Variants in EYA4 observed in about 807,000 individuals in gnomAD.
EYA4 encodes the protein protein phosphatase EYA4.
In EYA4, 31 loss-of-function variants were observed where a neutral mutation model predicts 87.9. The ratio of observed to expected loss-of-function variants is 0.35; its 90% CI spans 0.27 to 0.48. The LOEUF (loss-of-function observed/expected upper bound fraction) is 0.48. EYA4 is among the 20% of genes least tolerant of loss of function. The pLI is 0.99. For missense variants in EYA4, 678 were observed against 761.4 expected (o/e 0.89, Z 1.29); for synonymous variants, 263 against 270.6 (o/e 0.97, Z 0.28).
intron 2 of EYA4, among the ~76,000 whole-genome samples, chr6:133,283,044 A>G (rs1187036679): frequency 2.0e-5 from 3 of 152,182 alleles, no homozygotes; most frequent in African/African-American, 7.2e-5. Flanking sequence ...CTGTAATCCC[A>G]GCACTTTGGG....
rs1023221838 is a variant in EYA4, at chr6:133,249,463, T to C, written c.-66+7714T>C. ...ATGAGGTCCCTCCTGGACTTAAAAT[T>C]CCTTAAAAAATTTGCCTGCTGCCTA... is the stretch of plus-strand genomic sequence containing the variant. On this transcript the variant is annotated intron_variant, in intron 1 of 19. Coordinates refer to ENST00000355286, the MANE Select transcript of EYA4 (RefSeq NM_004100.5). Among the ~76,000 whole-genome samples, 30 of 152,192 alleles carry C rather than the reference T, an allele frequency of 2.0e-4. 1 individual carries two copies. Among genetic ancestry groups the C allele is most frequent in the Middle Eastern group, 3.2e-3 (1 of 316 alleles).
At chr6:133,331,820 T>TG (rs1223885322) in intron 2 of EYA4, among the ~76,000 whole-genome samples, 1 of 152,208 alleles carries the variant, frequency 6.6e-6, no homozygotes, top group Non-Finnish European at 1.5e-5. Context: ...CAGAGTAATT[T>TG]GGGGGTAAAT....
intron 18 of EYA4, among the ~76,000 whole-genome samples, chr6:133,524,527 C>G (rs1197005246): frequency 1.3e-5 from 2 of 152,202 alleles, no homozygotes; most frequent in African/African-American, 4.8e-5. Flanking sequence ...CCCAGTCAGA[C>G]AGCACCCTTA....
At chr6:133,293,256 G>A (rs1245993957) in intron 2 of EYA4, among the ~76,000 whole-genome samples, 1 of 152,102 alleles carries the variant, frequency 6.6e-6, no homozygotes, top group Non-Finnish European at 1.5e-5. Flanking sequence ...AAAGATGACA[G>A]TGTTTTTATT....
chr6:133,365,767 A>G lies in EYA4; in HGVS notation c.34-16625A>G, dbSNP rs116176179. Among the ~76,000 whole-genome samples the G allele has an allele frequency of 6.9e-3, 1,052 of 152,028 alleles. 11 individuals are homozygous for G. The highest frequency in any genetic ancestry group is 0.024 in the African/African-American group (997 of 41,448). ...GGCCCTGGGAGATTTAGGGAAGGGG[A>G]GTATTGACTTACTGATGAGAAGTTG... is the stretch of plus-strand genomic sequence containing the variant. On this transcript the variant is annotated intron_variant, in intron 2 of 19. Coordinates refer to ENST00000355286, the MANE Select transcript of EYA4 (RefSeq NM_004100.5).
Position 133,377,534 on chromosome 6 carries a change from GAAAC to G in EYA4, c.34-4855_34-4852del, listed in dbSNP as rs1785799236. Among the ~76,000 whole-genome samples the G allele has an allele frequency of 2.1e-5, 3 of 141,968 alleles. No homozygotes were observed. In the South Asian group the frequency reaches 7.0e-4, roughly 33 times the overall value. The allele number at this position is 141,968 out of a possible 152,430, so 93.1% of individuals were successfully genotyped here. ...AATCTTGATATTTTGGACAGAAAAA[GAAAC>G]AACGCAGAAGTTGTTTTTCACATTA... On this transcript the variant is annotated intron_variant, in intron 2 of 19. Coordinates refer to ENST00000355286, the MANE Select transcript of EYA4 (RefSeq NM_004100.5).
intron 1 of EYA4, among the ~76,000 whole-genome samples, chr6:133,256,469 A>T (rs562064142): frequency 2.0e-5 from 3 of 151,980 alleles, no homozygotes; most frequent in Non-Finnish European, 4.4e-5. Flanking sequence ...ACTCTGTGCC[A>T]GGCACAGTTC....
intron 1 of EYA4, among the ~76,000 whole-genome samples, chr6:133,260,293 A>G (rs544444804): frequency 6.6e-6 from 1 of 152,102 alleles, no homozygotes; most frequent in South Asian, 2.1e-4. Flanking sequence ...GCTGGAGTGC[A>G]GTGGCACGAT....
intron 2 of EYA4, among the ~76,000 whole-genome samples, chr6:133,284,855 G>A (rs1010909886): frequency 2.6e-5 from 4 of 152,068 alleles, no homozygotes; most frequent in African/African-American, 4.8e-5. Context: ...TTGTGGAGGG[G>A]GAGACAAACA....
intron 2 of EYA4, among the ~76,000 whole-genome samples, chr6:133,349,100 A>G (rs1285111719): frequency 6.6e-6 from 1 of 152,202 alleles, no homozygotes; most frequent in East Asian, 1.9e-4. Flanking sequence ...GGGCTTTTGC[A>G]CTTACTTTCC....
chr6:133,418,655 A>G (rs751974260), intron 3 of EYA4, among the ~76,000 whole-genome samples: 6 of 152,204 alleles, frequency 3.9e-5, no homozygotes, highest in Non-Finnish European at 7.3e-5. Context: ...GAAATCTGAA[A>G]CATGAAGTTA....
At chr6:133,253,541 G>A (rs768302223) in intron 1 of EYA4, among the ~76,000 whole-genome samples, 25 of 152,086 alleles carry the variant, frequency 1.6e-4, no homozygotes, top group South Asian at 2.1e-4. Flanking sequence ...TTATAATGCC[G>A]TCAGTCACTT....
chr6:133,368,409 A>G (rs1785018826), intron 2 of EYA4, among the ~76,000 whole-genome samples: 1 of 152,204 alleles, frequency 6.6e-6, no homozygotes, highest in African/African-American at 2.4e-5. Flanking sequence ...AGGAACAGAC[A>G]TATATTTTGC....
chr6:133,301,112 G>A (rs1023403801), intron 2 of EYA4, among the ~76,000 whole-genome samples: 32 of 151,932 alleles, frequency 2.1e-4, no homozygotes, highest in African/African-American at 7.7e-4. Context: ...CTGATGAACA[G>A]GATGTGTGTT....
At chr6:133,377,726 A>G (rs1341666541) in intron 2 of EYA4, among the ~76,000 whole-genome samples, 1 of 151,958 alleles carries the variant, frequency 6.6e-6, no homozygotes, top group African/African-American at 2.4e-5. Context: ...GTCTAGTTTA[A>G]AGGATTCCTT....
chr6:133,483,782 G>C lies in EYA4; in HGVS notation c.1191+667G>C, dbSNP rs144051534. Reference sequence around the variant, plus strand: ...TCTGTCCCCCAGGCTAGAGTGCAGTGACATGATCTTGGCTCACTGCAACCT... The same window carrying C: ...TCTGTCCCCCAGGCTAGAGTGCAGTCACATGATCTTGGCTCACTGCAACCT... On this transcript the variant is annotated intron_variant, in intron 13 of 19. Transcript: ENST00000355286. Among the ~76,000 whole-genome samples the C allele has an allele frequency of 3.6e-3, 541 of 151,130 alleles. 2 individuals carry two copies. The highest frequency in any genetic ancestry group is 0.012 in the African/African-American group (509 of 41,162).
intron 1 of EYA4, among the ~76,000 whole-genome samples, chr6:133,269,284 C>T (rs1045864054): frequency 6.6e-6 from 1 of 151,976 alleles, no homozygotes; most frequent in Non-Finnish European, 1.5e-5. Flanking sequence ...ACAAAAAAAC[C>T]GAATGTGTAC....
intron 1 of EYA4, chr6:133,246,936 C>G (rs989619087): frequency 2.0e-5 from 3 of 152,114 alleles, no homozygotes; most frequent in Non-Finnish European, 4.4e-5. Context: ...AGGCCAGCAC[C>G]CTTATCCTTA....
At chr6:133,502,135 G>A (rs1173725738) in intron 13 of EYA4, 4 of 151,472 alleles carry the variant, frequency 2.6e-5, no homozygotes, top group Non-Finnish European at 5.9e-5. Context: ...TGATAGAGCA[G>A]TACACAGAAT....
Sources: gnomAD v4.1 joint callset for allele counts (sites outside exome capture counted in the v4.1 genomes callset) on GRCh38, gnomAD v4.1.1 for gene constraint, MANE v1.5 for transcripts, NCBI Gene and HGNC (gene_info 2026-07-23, HGNC 2026-07-21) for gene names.